TANC2: variants seen among roughly 807,000 people sequenced by gnomAD.
TANC2 encodes the protein protein TANC2.
A neutral mutation model predicts 210.5 loss-of-function variants in TANC2; 26 were observed. That is an observed-to-expected ratio of 0.12 (90% CI 0.09 to 0.17). The LOEUF (loss-of-function observed/expected upper bound fraction) is 0.17, where lower values mean the gene tolerates loss of function less well. TANC2 is among the 10% of genes least tolerant of loss of function. The pLI, the probability that TANC2 is intolerant of heterozygous loss-of-function variation, is 1.00. For missense variants in TANC2, 2,129 were observed against 2,608.9 expected (o/e 0.82, Z 4.01); for synonymous variants, 931 against 967.1 (o/e 0.96, Z 0.69).
At chr17:63,015,903 C>A (rs1477870680) in intron 2 of TANC2, among the ~76,000 whole-genome samples, 1 of 150,322 alleles carries the variant, frequency 6.7e-6, no homozygotes, top group African/African-American at 2.5e-5. Flanking sequence ...TTCAAATACG[C>A]TTCTTTGAGT....
intron 5 of TANC2, among the ~76,000 whole-genome samples, chr17:63,187,679 C>T (rs2041042320): frequency 6.6e-6 from 1 of 151,756 alleles, no homozygotes; most frequent in Non-Finnish European, 1.5e-5. Flanking sequence ...TTCAATGAAT[C>T]CTAAGCACAA....
chr17:63,043,186 C>A (rs774618556), intron 2 of TANC2, among the ~76,000 whole-genome samples: 1 of 151,992 alleles, frequency 6.6e-6, no homozygotes, highest in Admixed American at 6.6e-5. Context: ...CATACATTCA[C>A]GTATCTTGTC....
chr17:63,398,975 A>C, intron 19 of TANC2, 61 bp downstream of exon 19: 70 of 1,248,874 alleles, frequency 5.6e-5, no homozygotes, highest in Non-Finnish European at 7.1e-5. Flanking sequence ...CTCGAATCTC[A>C]CCCCCTTATT....
chr17:63,060,252 C>G (rs1228891122), intron 2 of TANC2, among the ~76,000 whole-genome samples: 1 of 152,184 alleles, frequency 6.6e-6, no homozygotes, highest in Non-Finnish European at 1.5e-5. Context: ...TATTCTTCCC[C>G]ATTCACTTAT....
chr17:63,119,748 C>A (rs1416742753), intron 4 of TANC2, among the ~76,000 whole-genome samples: 2 of 152,162 alleles, frequency 1.3e-5, no homozygotes, highest in South Asian at 2.1e-4. Flanking sequence ...GGTGCCATGG[C>A]TCACACCTGT....
intron 8 of TANC2, among the ~76,000 whole-genome samples, chr17:63,265,582 G>A (rs1306565941): frequency 6.6e-6 from 1 of 152,166 alleles, no homozygotes; most frequent in Non-Finnish European, 1.5e-5. Context: ...AAAATATCCA[G>A]GAAAGGAAGG....
chr17:63,042,548 A>G (rs1398623120), intron 2 of TANC2, among the ~76,000 whole-genome samples: 1 of 152,136 alleles, frequency 6.6e-6, no homozygotes, highest in Admixed American at 6.6e-5. Flanking sequence ...GTTAAAAAGT[A>G]AGATGATGAG....
chr17:63,245,732 C>T (rs535090626), intron 8 of TANC2, among the ~76,000 whole-genome samples: 8 of 151,802 alleles, frequency 5.3e-5, no homozygotes, highest in Non-Finnish European at 1.0e-4. Flanking sequence ...ATCCCAGCTA[C>T]TCGGGAGGCT....
intron 9 of TANC2, among the ~76,000 whole-genome samples, chr17:63,289,795 G>A (rs1567886106): frequency 1.3e-5 from 2 of 152,160 alleles, no homozygotes; most frequent in South Asian, 2.1e-4. Flanking sequence ...AGGAACTGCT[G>A]TAAGTGGGCC....
chr17:63,093,298 G>C (rs2037271762), intron 3 of TANC2, among the ~76,000 whole-genome samples: 1 of 151,798 alleles, frequency 6.6e-6, no homozygotes, highest in Non-Finnish European at 1.5e-5. Flanking sequence ...GTTTTCATGA[G>C]TAGAGGTATG....
At chr17:63,059,797 T>C (rs2035930879) in intron 2 of TANC2, among the ~76,000 whole-genome samples, 1 of 152,156 alleles carries the variant, frequency 6.6e-6, no homozygotes, top group Admixed American at 6.5e-5. Context: ...GATAGTTTCC[T>C]TACTATTGGG....
chr17:63,007,903 T>C (rs1231807353), intron 1 of TANC2, among the ~76,000 whole-genome samples: 2 of 152,008 alleles, frequency 1.3e-5, no homozygotes, highest in Non-Finnish European at 2.9e-5. Context: ...AACTCCCTTT[T>C]AGTAATAAAT....
chr17:63,214,196 G>T (rs1371264566), intron 7 of TANC2, among the ~76,000 whole-genome samples: 3 of 152,110 alleles, frequency 2.0e-5, no homozygotes, highest in African/African-American at 7.2e-5. Flanking sequence ...TATATCTTAT[G>T]TCTCAGTGAC....
In TANC2 at chr17:63,412,257, C is replaced by T; in HGVS notation, c.3898+127C>T. ...CCTCCTCCCTGGCCCAATTATTGTC[C>T]AAGTGAACAGAGAGGCTCTTGGCCC... On this transcript the variant is annotated intron_variant, in intron 23 of 27. Transcript: ENST00000689528. This position sits in a 1 kb window ranked among gnomAD's most constrained non-coding sequence, Gnocchi z 4.2. 2 of 1,342,916 alleles carry T rather than the reference C, an allele frequency of 1.5e-6. No homozygotes were observed. Among genetic ancestry groups the T allele is most frequent in the South Asian group, 1.4e-5 (1 of 70,736 alleles). 83.2% of individuals were successfully genotyped at this position (1,342,916 alleles called of 1,614,324 possible). A position where few individuals can be genotyped will look rare whatever the true frequency, so the allele number is the denominator to read the frequency against.
chr17:63,377,629 C>G (rs528454018), intron 14 of TANC2, among the ~76,000 whole-genome samples: 1 of 152,132 alleles, frequency 6.6e-6, no homozygotes, highest in Non-Finnish European at 1.5e-5. Context: ...CCAAACTTTC[C>G]CACATTTTCC....
At chr17:63,370,496 A>T (rs1323764237) in intron 14 of TANC2, among the ~76,000 whole-genome samples, 3 of 151,046 alleles carry the variant, frequency 2.0e-5, no homozygotes, top group Admixed American at 1.3e-4. Flanking sequence ...CCTCCTTTCT[A>T]CTCTTTCTTC....
At chr17:63,148,254 CT>C (rs1400584071) in intron 4 of TANC2, 3 of 152,148 alleles carry the variant, frequency 2.0e-5, no homozygotes, top group African/African-American at 7.2e-5. Flanking sequence ...TACTTTCTTA[CT>C]TTGTTTTCTG....
At chr17:63,264,484 A>G (rs1408707424) in intron 8 of TANC2, among the ~76,000 whole-genome samples, 1 of 152,200 alleles carries the variant, frequency 6.6e-6, no homozygotes, top group Admixed American at 6.5e-5. Flanking sequence ...AAATGCCAGT[A>G]TCACCAGAGT....
At chr17:63,070,873 AT>A (rs1317125867) in intron 2 of TANC2, among the ~76,000 whole-genome samples, 2 of 152,118 alleles carry the variant, frequency 1.3e-5, no homozygotes, top group African/African-American at 4.8e-5. Context: ...GTGTTTAAAG[AT>A]TTTTTTAAAA....
Sources: allele counts gnomAD v4.1 joint callset (sites outside exome capture counted in the v4.1 genomes callset), GRCh38; gene constraint gnomAD v4.1.1; non-coding constraint Gnocchi (gnomAD v3.1); transcripts MANE v1.5; gene names NCBI Gene and HGNC (gene_info 2026-07-23, HGNC 2026-07-21).